Variants in CADM2 observed in about 807,000 individuals in gnomAD.
CADM2 encodes the protein cell adhesion molecule 2, also known as immunoglobulin superfamily member 4D.
In CADM2, 12 loss-of-function variants were observed where a neutral mutation model predicts 49.8. The observed-to-expected ratio is 0.24, with a 90% CI of 0.15 to 0.39. The LOEUF (loss-of-function observed/expected upper bound fraction) is 0.39. CADM2 is among the 10% of genes least tolerant of loss of function. The pLI is 1.00. For missense variants in CADM2, 378 were observed against 492.3 expected (o/e 0.77, Z 2.20); for synonymous variants, 214 against 175.4 (o/e 1.22, Z -1.74).
chr3:85,769,878 C>A (rs930074700), intron 2 of CADM2, among the ~76,000 whole-genome samples: 1 of 151,528 alleles, frequency 6.6e-6, no homozygotes, highest in Non-Finnish European at 1.5e-5. Flanking sequence ...AACAAAGCAG[C>A]AACTAAGTTC....
chr3:85,176,299 T>C (rs952270820), intron 1 of CADM2, among the ~76,000 whole-genome samples: 1 of 152,206 alleles, frequency 6.6e-6, no homozygotes, highest in Non-Finnish European at 1.5e-5. Context: ...ATATTATCTA[T>C]AGATTTATAT....
At chr3:85,012,050 T>G (rs2034022195) in intron 1 of CADM2, among the ~76,000 whole-genome samples, 1 of 151,356 alleles carries the variant, frequency 6.6e-6, no homozygotes, top group Non-Finnish European at 1.5e-5. Context: ...GTTTAGCCAT[T>G]GAGATATAAT....
At chr3:85,612,995 A>G (rs2063716263) in intron 1 of CADM2, among the ~76,000 whole-genome samples, 1 of 151,732 alleles carries the variant, frequency 6.6e-6, no homozygotes, top group Admixed American at 6.6e-5. Flanking sequence ...CTTTTGCTAT[A>G]AATTACAGAG....
chr3:85,983,824 A>G lies in CADM2; in HGVS notation c.970+22177A>G, dbSNP rs1042892705. On this transcript the variant is annotated intron_variant, in intron 8 of 9. Coordinates refer to ENST00000383699, the MANE Select transcript of CADM2 (RefSeq NM_001167675.2). ...CTATCTATCTATCTATCTATCTTTCATCTATCATTCATCTACCATCTGTCT... is the reference window on the plus strand; with the variant it reads ...CTATCTATCTATCTATCTATCTTTCGTCTATCATTCATCTACCATCTGTCT... Among the ~76,000 whole-genome samples, 6 of 149,658 alleles carry G rather than the reference A, an allele frequency of 4.0e-5. No homozygotes were observed. The East Asian group carries it at 1.2e-3, about 29-fold the overall frequency.
At chr3:85,388,302 G>C (rs2034347304) in intron 1 of CADM2, among the ~76,000 whole-genome samples, 1 of 152,160 alleles carries the variant, frequency 6.6e-6, no homozygotes, top group African/African-American at 2.4e-5. Flanking sequence ...AGAAATCATA[G>C]GAGACTTTGG....
At chr3:85,234,800 A>T (rs2042375616) in intron 1 of CADM2, among the ~76,000 whole-genome samples, 1 of 152,158 alleles carries the variant, frequency 6.6e-6, no homozygotes, top group South Asian at 2.1e-4. Flanking sequence ...AATTGCAAAC[A>T]TATTCACAAA....
intron 1 of CADM2, among the ~76,000 whole-genome samples, chr3:85,333,029 T>C (rs919367835): frequency 3.3e-5 from 5 of 151,906 alleles, no homozygotes; most frequent in African/African-American, 4.8e-5. Context: ...TTAACTTTGA[T>C]GTTATTTTGG....
chr3:85,523,664 T>C (rs2061083615), intron 1 of CADM2, among the ~76,000 whole-genome samples: 1 of 152,098 alleles, frequency 6.6e-6, no homozygotes. Flanking sequence ...GTAGTGAGTC[T>C]CATTCATTAT....
intron 8 of CADM2, among the ~76,000 whole-genome samples, chr3:86,038,533 A>C (rs1210440736): frequency 6.6e-6 from 1 of 152,140 alleles, no homozygotes; most frequent in Non-Finnish European, 1.5e-5. Flanking sequence ...CTATAGCCTG[A>C]CTTCAATATA....
At chr3:85,777,117 T>C (rs955205799) in intron 2 of CADM2, among the ~76,000 whole-genome samples, 1 of 152,096 alleles carries the variant, frequency 6.6e-6, no homozygotes, top group African/African-American at 2.4e-5. Flanking sequence ...CTTACTTTCA[T>C]CTACTTATGC....
chr3:86,059,272 G>C (rs1460143051), intron 8 of CADM2, among the ~76,000 whole-genome samples: 1 of 152,004 alleles, frequency 6.6e-6, no homozygotes, highest in African/African-American at 2.4e-5. Context: ...AATGATTTCA[G>C]AGATAGAATT....
At chr3:85,627,376 T>G (rs1334085717) in intron 1 of CADM2, among the ~76,000 whole-genome samples, 2 of 152,054 alleles carry the variant, frequency 1.3e-5, no homozygotes, top group Non-Finnish European at 2.9e-5. Flanking sequence ...TGTGTGTAGA[T>G]ATGTACACAT....
chr3:85,221,102 A>G (rs1319728979), intron 1 of CADM2, among the ~76,000 whole-genome samples: 2 of 152,192 alleles, frequency 1.3e-5, no homozygotes, highest in Admixed American at 6.5e-5. Context: ...TTGGTGTTCT[A>G]TGAATTTAAA....
intron 1 of CADM2, among the ~76,000 whole-genome samples, chr3:85,300,975 A>G (rs1304912728): frequency 6.6e-6 from 1 of 152,120 alleles, no homozygotes; most frequent in Non-Finnish European, 1.5e-5. Flanking sequence ...ATCAGAAGCA[A>G]GCAAACCAAG....
At chr3:85,070,574 A>G (rs1368095556) in intron 1 of CADM2, among the ~76,000 whole-genome samples, 3 of 97,790 alleles carry the variant, frequency 3.1e-5, no homozygotes, top group African/African-American at 1.1e-4. Context: ...GTCTTTTGTC[A>G]CTATATCCTA....
chr3:85,796,762 A>T (rs1415369279), intron 2 of CADM2, among the ~76,000 whole-genome samples: 4 of 152,050 alleles, frequency 2.6e-5, no homozygotes. Context: ...CAAGCATTTT[A>T]TTTATTGAGC....
At chr3:85,736,822 T>C (rs2068158901) in intron 2 of CADM2, among the ~76,000 whole-genome samples, 1 of 152,060 alleles carries the variant, frequency 6.6e-6, no homozygotes, top group South Asian at 2.1e-4. Flanking sequence ...CTACTATAGA[T>C]GACAAAGAGA....
intron 8 of CADM2, among the ~76,000 whole-genome samples, chr3:86,010,296 T>C (rs940009662): frequency 2.0e-5 from 3 of 151,938 alleles, no homozygotes; most frequent in African/African-American, 7.2e-5. Flanking sequence ...AAATAAAAAA[T>C]ATAACTGTTT....
intron 1 of CADM2, among the ~76,000 whole-genome samples, chr3:85,633,882 C>G (rs753019953): frequency 6.6e-6 from 1 of 151,796 alleles, no homozygotes; most frequent in Non-Finnish European, 1.5e-5. Flanking sequence ...GAGAGTATGA[C>G]GAAGCAGTTA....
Sources: allele counts gnomAD v4.1 joint callset (sites outside exome capture counted in the v4.1 genomes callset), GRCh38; gene constraint gnomAD v4.1.1; transcripts MANE v1.5; gene names NCBI Gene and HGNC (gene_info 2026-07-23, HGNC 2026-07-21).